Variants in EPS8L1 observed in about 807,000 individuals in gnomAD.
The protein encoded by EPS8L1 is EPS8 signaling adaptor L1, also known as epidermal growth factor receptor kinase substrate 8-like protein 1.
Under a neutral mutation model 91.7 loss-of-function variants are expected in EPS8L1, and 101 were observed. The observed-to-expected ratio is 1.10, with a 90% CI of 0.94 to 1.30. EPS8L1 has a LOEUF of 1.30. Among genes scored for constraint, EPS8L1 ranks in the 50% most tolerant of loss-of-function variants. The pLI is 0.00. For synonymous variants in EPS8L1, 506 were observed against 445.3 expected, an observed-to-expected ratio of 1.14 and a Z score of -1.72; for missense variants, 1,114 against 1,017.0, an observed-to-expected ratio of 1.10 and a Z score of -1.30.
chr19:55,086,577 G>A (rs1340592895), intron 17 of EPS8L1, 59 bp downstream of exon 17: 10 of 1,539,232 alleles, frequency 6.5e-6, no homozygotes, highest in South Asian at 1.2e-5. Flanking sequence ...TCCAGGCAGA[G>A]AAACGGGGGC....
Position 55,083,721 on chromosome 19 carries a change from CCCT to C in EPS8L1, c.1385+78_1385+80del, listed in dbSNP as rs752030569. 68 of 1,541,990 alleles carry C rather than the reference CCCT, an allele frequency of 4.4e-5. No individual in the cohort carries two copies. The highest frequency in any genetic ancestry group is 5.9e-5 in the Non-Finnish European group (67 of 1,137,582). Reference sequence around the variant, plus strand: ...GGGGGCTCCCGATGCTGACTCCGCCCCCTTTTTTTCTGTGTTTTTCCTTCTGTC... The same window carrying C: ...GGGGGCTCCCGATGCTGACTCCGCCCTTTTTTCTGTGTTTTTCCTTCTGTC... On this transcript the variant is annotated intron_variant, in intron 14 of 19. Coordinates refer to ENST00000201647, the MANE Select transcript of EPS8L1 (RefSeq NM_133180.3). This position sits in a 1 kb window ranked among gnomAD's most constrained non-coding sequence, Gnocchi z 4.7.
At chr19:55,086,647 C>CCCCCCCTT in intron 17 of EPS8L1, 67 bp from the exon 18 acceptor site, 1 of 1,480,100 alleles carries the variant, frequency 6.8e-7, no homozygotes, top group Non-Finnish European at 9.2e-7. Flanking sequence ...CCCCCCGCCC[C>CCCCCCCTT]GCCCTCTGGC....
chr19:55,081,356 A>T lies in EPS8L1; in HGVS notation c.638A>T (p.Gln213Leu). Reference protein sequence around the residue: ...VERGAGRGRPQAKPIPEAEEA... With the variant: ...VERGAGRGRPLAKPIPEAEEA... The stretch of plus-strand genomic sequence containing the variant: ...CGGGGCGCGGGCCGCGGACGACCCC[A>T]GGCGAAGCCCATTCCCGAGGCAGAG... Residue 213 changes from glutamine to leucine, a missense_variant, in exon 8 of 20, where the codon CAG (glutamine) becomes CTG (leucine). Transcript: ENST00000201647. This position sits in a 1 kb window ranked among gnomAD's most constrained non-coding sequence, Gnocchi z 4.9. 1 of 1,566,528 alleles carries T rather than the reference A, an allele frequency of 6.4e-7. No individual in the cohort carries two copies. Among genetic ancestry groups the T allele is most frequent in the Non-Finnish European group, 8.6e-7 (1 of 1,159,972 alleles).
At chr19:55,085,207 T>C (rs1489119368) in intron 14 of EPS8L1, among the ~76,000 whole-genome samples, 2 of 152,218 alleles carry the variant, frequency 1.3e-5, no homozygotes, top group South Asian at 4.1e-4. Context: ...CACTCTGTCA[T>C]CAGGCTGGAG....
Position 55,078,995 on chromosome 19 carries a change from G to A in EPS8L1, c.59-4G>A. The A allele has an allele frequency of 1.2e-6, 2 of 1,613,918 alleles. No individual in the cohort carries two copies. The highest frequency in any genetic ancestry group is 1.7e-6 in the Non-Finnish European group (2 of 1,179,862). On this transcript the variant is annotated splice_polypyrimidine_tract_variant and splice_region_variant and intron_variant, in intron 3 of 19. Coordinates refer to ENST00000201647, the MANE Select transcript of EPS8L1 (RefSeq NM_133180.3). ...CCAGGCTCATTCTCTTTCTCCCCTG[G>A]CAGAGCAGAGGAAGCGTTACTCCAC...
In EPS8L1 at chr19:55,079,780, C is replaced by T. The variant is rs1026518646; in HGVS notation, c.208C>T (p.Arg70Ter). ...GTTGGCCGTCATGGATAGCCAGGGC[C>T]GAGTCTGGGCACAGGAGATGCTGCT... ...RKLAVMDSQG[R>*]VWAQEMLLRV... The change falls in exon 5 of 20, where the codon CGA becomes TGA. Residue 70 changes from arginine to a stop codon, truncating the protein, a stop_gained. Transcript: ENST00000201647. LOFTEE classifies it high-confidence loss of function. The T allele has an allele frequency of 2.5e-6, 4 of 1,613,950 alleles. No individual in the cohort carries two copies. The highest frequency in any genetic ancestry group is 1.3e-5 in the African/African-American group (1 of 74,910).
At position 55,083,654 on chromosome 19, in the gene EPS8L1, C is replaced by T. The variant is rs1427899131; in HGVS notation, c.1385+10C>T. 9 of 1,591,456 alleles carry T rather than the reference C, an allele frequency of 5.7e-6. No individual in the cohort carries two copies. Among genetic ancestry groups the T allele is most frequent in the East Asian group, 2.3e-5 (1 of 44,012 alleles). On this transcript the variant is annotated intron_variant, in intron 14 of 19. Coordinates refer to ENST00000201647, the MANE Select transcript of EPS8L1 (RefSeq NM_133180.3). This position sits in a 1 kb window ranked among gnomAD's most constrained non-coding sequence, Gnocchi z 4.7. ...AGGTCGCTGTCAATGGGTGAGTGTCCGCCCCAGGGCAGGGCAAGGGGGTCA... is the reference window on the plus strand; with the variant it reads ...AGGTCGCTGTCAATGGGTGAGTGTCTGCCCCAGGGCAGGGCAAGGGGGTCA...
In EPS8L1 at chr19:55,081,480, G is replaced by C. The variant is rs979203277; in HGVS notation, c.762G>C (p.Ala254=). 8.2e-6 allele frequency: 13 copies of C among 1,587,606 alleles called. No individual in the cohort carries two copies. Among genetic ancestry groups the C allele is most frequent in the Non-Finnish European group, 1.1e-5 (13 of 1,167,530 alleles). ...PRGPDLAVLQ[A]EREVDILNHV... is the part of the protein sequence containing the mutation. ...GTCCTGACCTGGCGGTTCTGCAGGC[G>C]GAGCGGGAAGTGGTGAGCCGCTAAG... The change falls in exon 8 of 20, where the codon GCG becomes GCC. Residue 254 remains alanine (A), a synonymous_variant. Coordinates refer to ENST00000201647, the MANE Select transcript of EPS8L1 (RefSeq NM_133180.3). This position sits in a 1 kb window ranked among gnomAD's most constrained non-coding sequence, Gnocchi z 4.9.
At position 55,081,515 on chromosome 19, in the gene EPS8L1, TG is replaced by T. The variant is rs753070972; in HGVS notation, c.774+28del. ...GTGGTGAGCCGCTAAGGAAGGGGTC[TG>T]GGGGCAGGGCCAGGCGACTGGAGGC... is the stretch of plus-strand genomic sequence containing the variant. On this transcript the variant is annotated intron_variant, in intron 8 of 19. Transcript: ENST00000201647. This position sits in a 1 kb window ranked among gnomAD's most constrained non-coding sequence, Gnocchi z 4.9. 1.3e-6 allele frequency: 2 copies of T among 1,539,260 alleles called. No homozygotes were observed. The highest frequency in any genetic ancestry group is 8.7e-7 in the Non-Finnish European group (1 of 1,145,534).
Position 55,076,478 on chromosome 19 carries a change from C to T in EPS8L1, c.17+17C>T. ...CGCCACAGGGTAAGCGCCCCCGGAC[C>T]CCAGGTCCCAGCCCCAGCACGCCTC... On this transcript the variant is annotated intron_variant, in intron 2 of 19. Transcript: ENST00000201647. The T allele has an allele frequency of 6.2e-7, 1 of 1,611,188 alleles. No individual in the cohort carries two copies. The highest frequency in any genetic ancestry group is 8.5e-7 in the Non-Finnish European group (1 of 1,178,632).
chr19:55,079,078 C>T (rs373292160), intron 4 of EPS8L1, 21 bp downstream of exon 4: 2 of 1,613,218 alleles, frequency 1.2e-6, no homozygotes, highest in Non-Finnish European at 8.5e-7. Flanking sequence ...GGTCTGTGTT[C>T]CCCCAGGACA....
chr19:55,080,921 A>T, intron 7 of EPS8L1, 67 bp downstream of exon 7: 1 of 1,408,354 alleles, frequency 7.1e-7, no homozygotes, highest in Non-Finnish European at 9.7e-7. Context: ...TCAGTCTACA[A>T]CACCAGCCTG....
At chr19:55,086,637 C>CCCCCCCCCCCCCCCCCGGG in intron 17 of EPS8L1, 77 bp from the exon 18 acceptor site, 32 of 1,374,304 alleles carry the variant, frequency 2.3e-5, no homozygotes, top group Middle Eastern at 4.5e-4. Context: ...GCTGGAGCGC[C>CCCCCCCCCCCCCCCCCGGG]CCCCCGCCCC....
rs759867067 is a variant in EPS8L1, at chr19:55,082,349, G to T, written c.1065G>T (p.Met355Ile). 2.5e-6 allele frequency: 4 copies of T among 1,612,628 alleles called. No individual in the cohort carries two copies. Among genetic ancestry groups the T allele is most frequent in the African/African-American group, 2.7e-5 (2 of 74,912 alleles). The change falls in exon 11 of 20, where the codon ATG becomes ATT. Residue 355 changes from methionine (M) to isoleucine (I), a missense_variant and splice_region_variant. Coordinates refer to ENST00000201647, the MANE Select transcript of EPS8L1 (RefSeq NM_133180.3). ...LLHFLFGPLQMIVNTSGGPEF... is the reference protein window; with the variant it reads ...LLHFLFGPLQIIVNTSGGPEF... ...ACTTCCTTTTCGGGCCTCTGCAGATGGTGAGACCCGCCCCAGGCCCTCGGG... is the reference window on the plus strand; with the variant it reads ...ACTTCCTTTTCGGGCCTCTGCAGATTGTGAGACCCGCCCCAGGCCCTCGGG...
intron 1 of EPS8L1, among the ~76,000 whole-genome samples, chr19:55,076,171 CTGGGGT>C (rs2076127356): frequency 4.5e-5 from 2 of 44,098 alleles, no homozygotes; most frequent in Non-Finnish European, 8.3e-5. Flanking sequence ...GAGGAGTGGA[CTGGGGT>C]CTGGACTCCT....
chr19:55,083,864 G>GT lies in EPS8L1; in HGVS notation c.1385+220_1385+221insT. The GT allele has an allele frequency of 1.4e-6, 1 of 702,118 alleles. No homozygotes were observed. Among genetic ancestry groups the GT allele is most frequent in the Non-Finnish European group, 2.5e-6 (1 of 406,914 alleles). 43.5% of individuals were successfully genotyped at this position (702,118 alleles called of 1,614,324 possible). A position where few individuals can be genotyped will look rare whatever the true frequency, so the allele number is the denominator to read the frequency against. ...AGACTTCTGGGGCTAAGGGAGTTGG[G>GT]AATGGAGACCCGGATTCCTGGGCCT... On this transcript the variant is annotated intron_variant, in intron 14 of 19. Coordinates refer to ENST00000201647, the MANE Select transcript of EPS8L1 (RefSeq NM_133180.3). The surrounding 1 kb of genome is among the most constrained non-coding windows in gnomAD (Gnocchi z 4.7).
At chr19:55,086,635 G>GCGCCCCCC in intron 17 of EPS8L1, 79 bp from the exon 18 acceptor site, 2 of 1,307,708 alleles carry the variant, frequency 1.5e-6, no homozygotes, top group Non-Finnish European at 2.1e-6. Flanking sequence ...ACGCTGGAGC[G>GCGCCCCCC]CCCCCCCGCC....
Position 55,080,129 on chromosome 19 carries a change from G to A in EPS8L1, c.280G>A (p.Glu94Lys). 1.3e-6 allele frequency: 2 copies of A among 1,486,504 alleles called. No homozygotes were observed. The highest frequency in any genetic ancestry group is 2.5e-5 in the East Asian group (1 of 40,182). 92.1% of individuals were successfully genotyped at this position (1,486,504 alleles called of 1,614,324 possible). ...TTTACCCCGCCATCCCACCCGGCAGGAGGAGCTGGAGTCGTACCCACTGGG... is the reference window on the plus strand; with the variant it reads ...TTTACCCCGCCATCCCACCCGGCAGAAGGAGCTGGAGTCGTACCCACTGGG... The part of the protein sequence containing the change: ...HVTLLDPASK[E>K]ELESYPLGAI... Residue 94 changes from glutamate to lysine, a missense_variant and splice_region_variant, in exon 6 of 20, where the codon GAG becomes AAG. Glu to Lys is a moderately conservative substitution (Grantham distance 56). Coordinates refer to ENST00000201647, the MANE Select transcript of EPS8L1 (RefSeq NM_133180.3).
chr19:55,081,332 G>C lies in EPS8L1; in HGVS notation c.614G>C (p.Arg205Pro), dbSNP rs757501052. 1.6e-5 allele frequency: 25 copies of C among 1,557,372 alleles called. No homozygotes were observed. The South Asian group carries it at 2.1e-4, about 13-fold the overall frequency. ...SVRAVISTVE[R>P]GAGRGRPQAK... ...CGCGCAGTGATCAGCACCGTAGAGC[G>C]GGGCGCGGGCCGCGGACGACCCCAG... Residue 205 changes from arginine to proline, a missense_variant, in exon 8 of 20, where the codon CGG becomes CCG. By Grantham distance (103) the Arg-to-Pro change is moderately radical. Transcript: ENST00000201647. This position sits in a 1 kb window ranked among gnomAD's most constrained non-coding sequence, Gnocchi z 4.9.
Sources: allele counts gnomAD v4.1 joint callset (sites outside exome capture counted in the v4.1 genomes callset), GRCh38; gene constraint gnomAD v4.1.1; non-coding constraint Gnocchi (gnomAD v3.1); transcripts MANE v1.5; gene names NCBI Gene and HGNC (gene_info 2026-07-23, HGNC 2026-07-21).